The following DNER variants were observed in gnomAD, a reference collection of about 807,000 sequenced individuals.
The protein encoded by DNER is delta/notch like EGF repeat containing.
In DNER, 33 loss-of-function variants were observed where a neutral mutation model predicts 78.2. The observed-to-expected ratio is 0.42, with a 90% CI of 0.32 to 0.56. DNER has a LOEUF of 0.56. Among genes scored for constraint, DNER ranks in the 20% least tolerant of loss-of-function variants. DNER has a pLI of 0.11. For missense variants in DNER, 918 were observed against 975.3 expected, an observed-to-expected ratio of 0.94 and a Z score of 0.78; for synonymous variants, 417 against 384.8, an observed-to-expected ratio of 1.08 and a Z score of -0.98.
intron 1 of DNER, among the ~76,000 whole-genome samples, chr2:229,630,479 A>AAATTAATAAT (rs575091484): frequency 5.9e-4 from 82 of 139,054 alleles, no homozygotes; most frequent in African/African-American, 2.1e-3. Context: ...CTCCATCTCA[A>AAATTAATAAT]AATAATAATA....
At chr2:229,711,409 C>G (rs1699910776) in intron 1 of DNER, among the ~76,000 whole-genome samples, 1 of 152,160 alleles carries the variant, frequency 6.6e-6, no homozygotes, top group Non-Finnish European at 1.5e-5. Context: ...AGCTTGACTT[C>G]AAACCCACAC....
chr2:229,589,544 G>GT (rs1697562932), intron 2 of DNER, among the ~76,000 whole-genome samples: 1 of 152,188 alleles, frequency 6.6e-6, no homozygotes, highest in South Asian at 2.1e-4. Flanking sequence ...ATATTAACAT[G>GT]TCTTCCTCTG....
At chr2:229,565,702 T>C (rs1337297091) in intron 4 of DNER, among the ~76,000 whole-genome samples, 1 of 152,208 alleles carries the variant, frequency 6.6e-6, no homozygotes, top group East Asian at 1.9e-4. Context: ...TATTTTCTTA[T>C]TGCCTGTAAG....
At chr2:229,594,063 A>G (rs1697658719) in intron 1 of DNER, among the ~76,000 whole-genome samples, 1 of 152,202 alleles carries the variant, frequency 6.6e-6, no homozygotes, top group Admixed American at 6.5e-5. Flanking sequence ...ATCAGTCCTC[A>G]GAGAGGCAGA....
intron 6 of DNER, among the ~76,000 whole-genome samples, chr2:229,505,353 T>C (rs1172462228): frequency 6.6e-6 from 1 of 152,120 alleles, no homozygotes; most frequent in Non-Finnish European, 1.5e-5. Flanking sequence ...GAACAAGTTA[T>C]CAGATAGATG....
At chr2:229,653,255 C>T (rs1031405416) in intron 1 of DNER, among the ~76,000 whole-genome samples, 5 of 152,190 alleles carry the variant, frequency 3.3e-5, no homozygotes, top group Non-Finnish European at 7.3e-5. Flanking sequence ...CTGACAGCTG[C>T]TGCCCAGTCC....
intron 11 of DNER, among the ~76,000 whole-genome samples, chr2:229,371,316 C>A (rs573567903): frequency 3.9e-5 from 6 of 152,328 alleles, no homozygotes; most frequent in Middle Eastern, 3.4e-3. Context: ...TGCTTTGCTG[C>A]ATCCCAGGAG....
At chr2:229,579,379 T>C (rs1697353864) in intron 4 of DNER, among the ~76,000 whole-genome samples, 2 of 152,182 alleles carry the variant, frequency 1.3e-5, no homozygotes, top group South Asian at 2.1e-4. Flanking sequence ...TCTAAACTAA[T>C]ACGGAACTGA....
Position 229,615,073 on chromosome 2 carries a change from C to T in DNER, c.277-23185G>A, listed in dbSNP as rs571737070. On this transcript the variant is annotated intron_variant, in intron 1 of 12. Coordinates refer to ENST00000341772, the MANE Select transcript of DNER (RefSeq NM_139072.4). ...AGGGAAGCTGGTGACACCTCCCCAC[C>T]CCCACTCAATGATGCATTTTTCAAG... Among the ~76,000 whole-genome samples, 15 of 152,212 alleles carry T rather than the reference C, an allele frequency of 9.9e-5. No homozygotes were observed. The South Asian group carries it at 1.9e-3, about 19-fold the overall frequency.
In DNER at chr2:229,529,942, A is replaced by G. The variant is rs72983900; in HGVS notation, c.993+17005T>C. Among the ~76,000 whole-genome samples, 350 of 152,254 alleles carry G rather than the reference A, an allele frequency of 2.3e-3. 1 individual carries two copies. The highest frequency in any genetic ancestry group is 4.0e-3 in the Non-Finnish European group (271 of 68,018). On this transcript the variant is annotated intron_variant, in intron 5 of 12. Transcript: ENST00000341772. ...GAGGATTGGTTGAGTCTGAGAGGTC[A>G]GGGCTGCAGTAATCACATCACTACA...
At chr2:229,710,795 T>TA (rs923778959) in intron 1 of DNER, among the ~76,000 whole-genome samples, 2 of 152,026 alleles carry the variant, frequency 1.3e-5, no homozygotes, top group Non-Finnish European at 2.9e-5. Flanking sequence ...CTAGTTAAGG[T>TA]AATGAGCATT....
chr2:229,659,291 C>T (rs1698965638), intron 1 of DNER, among the ~76,000 whole-genome samples: 1 of 152,128 alleles, frequency 6.6e-6, no homozygotes, highest in South Asian at 2.1e-4. Flanking sequence ...GATTTCAATA[C>T]TTAACCATAG....
chr2:229,640,607 A>C (rs1244123913), intron 1 of DNER, among the ~76,000 whole-genome samples: 7 of 152,250 alleles, frequency 4.6e-5, no homozygotes, highest in Admixed American at 3.9e-4. Flanking sequence ...ACCAGGAAAG[A>C]AAGAGAAGGA....
At position 229,703,276 on chromosome 2, in the gene DNER, A is replaced by C. The variant is rs553806184; in HGVS notation, c.276+10872T>G. Among the ~76,000 whole-genome samples, 7 of 152,360 alleles carry C rather than the reference A, an allele frequency of 4.6e-5. No individual in the cohort carries two copies. In the East Asian group the frequency reaches 1.3e-3, roughly 29 times the overall value. On this transcript the variant is annotated intron_variant, in intron 1 of 12. Coordinates refer to ENST00000341772, the MANE Select transcript of DNER (RefSeq NM_139072.4). ...TCAAATGATTTTAAACAAAGGTACC[A>C]AAATAATTCAGTGGAGATAGACAGT...
chr2:229,713,663 T>C (rs1699943091), intron 1 of DNER, among the ~76,000 whole-genome samples: 1 of 152,224 alleles, frequency 6.6e-6, no homozygotes. Context: ...CCCCACCACC[T>C]GGCACGGGGC....
intron 8 of DNER, among the ~76,000 whole-genome samples, chr2:229,435,988 C>A (rs1694113817): frequency 6.6e-6 from 1 of 152,030 alleles, no homozygotes. Context: ...CAGGGATACA[C>A]AGGCAGGTTT....
chr2:229,597,080 T>C (rs2052302), intron 1 of DNER, among the ~76,000 whole-genome samples: 55,223 of 151,320 alleles, frequency 0.36, 10,181 homozygotes, highest in East Asian at 0.5. Flanking sequence ...CACAAACATG[T>C]GTGCACACAT....
intron 1 of DNER, among the ~76,000 whole-genome samples, chr2:229,645,812 G>A (rs1698708091): frequency 6.6e-6 from 1 of 152,298 alleles, no homozygotes; most frequent in Middle Eastern, 3.4e-3. Context: ...TGATGAAGGA[G>A]CTGTCAGTCC....
intron 1 of DNER, among the ~76,000 whole-genome samples, chr2:229,641,733 A>T (rs572451485): frequency 6.6e-6 from 1 of 152,222 alleles, no homozygotes; most frequent in African/African-American, 2.4e-5. Flanking sequence ...AATAAAAATC[A>T]AAAAGGAAAA....
Sources: allele counts gnomAD v4.1 joint callset (sites outside exome capture counted in the v4.1 genomes callset), GRCh38; gene constraint gnomAD v4.1.1; transcripts MANE v1.5; gene names NCBI Gene and HGNC (gene_info 2026-07-23, HGNC 2026-07-21).